The following TJP3 variants were observed in gnomAD, a reference collection of about 807,000 sequenced individuals.
TJP3 encodes the protein tight junction protein ZO-3.
In TJP3, 85 loss-of-function variants were observed where a neutral mutation model predicts 104.2. The ratio of observed to expected loss-of-function variants is 0.82; its 90% CI spans 0.68 to 0.98. TJP3 has a LOEUF of 0.98. Ranked by LOEUF, TJP3 falls within the 50% of genes least tolerant of loss-of-function variation. The pLI, the probability that TJP3 is intolerant of heterozygous loss-of-function variation, is 0.00. For missense variants in TJP3, 1,367 were observed against 1,322.8 expected (o/e 1.03, Z -0.52); for synonymous variants, 550 against 550.6 (o/e 1.00, Z 0.02).
chr19:3,720,557 G>GTGTA (rs1378055882), intron 1 of TJP3, among the ~76,000 whole-genome samples: 2 of 152,090 alleles, frequency 1.3e-5, no homozygotes, highest in Admixed American at 1.3e-4. Flanking sequence ...GGGTGTTTAT[G>GTGTA]TGTAGCTTTG....
chr19:3,728,614 G>T lies in TJP3; in HGVS notation c.59G>T (p.Arg20Leu), dbSNP rs367879011. ...HTATLSKDPR[R>L]GFGIAISGGR... ...CTCATCCTCTCTCAGGACCCCCGCC[G>T]GGGCTTTGGCATTGCGATCTCTGGA... The change falls in exon 3 of 21, where the codon CGG (arginine) becomes CTG (leucine). Residue 20 changes from arginine (R) to leucine (L), a missense_variant. Transcript: ENST00000541714. 1 of 1,612,792 alleles carries T rather than the reference G, an allele frequency of 6.2e-7. No homozygotes were observed. The highest frequency in any genetic ancestry group is 8.5e-7 in the Non-Finnish European group (1 of 1,179,762).
chr19:3,746,554 A>G lies in TJP3; in HGVS notation c.2080A>G (p.Ile694Val), dbSNP rs2036892486. The change falls in exon 17 of 21, where the codon ATT (isoleucine) becomes GTT (valine). Residue 694 changes from isoleucine (I) to valine (V), a missense_variant. By Grantham distance (29) the Ile-to-Val change is conservative. Transcript: ENST00000541714. The surrounding 1 kb of genome is among the most constrained non-coding windows in gnomAD (Gnocchi z 4.1). The stretch of plus-strand genomic sequence containing the variant: ...CCTCAACTATGTGCAGTACTACCCC[A>G]TTGTGGTCTTCTTCATCCCCGAGAG... ...ERLNYVQYYP[I>V]VVFFIPESRP... The G allele has an allele frequency of 6.2e-7, 1 of 1,613,762 alleles. No individual in the cohort carries two copies. Among genetic ancestry groups the G allele is most frequent in the Non-Finnish European group, 8.5e-7 (1 of 1,179,968 alleles).
chr19:3,716,082 T>C (rs1399819468), intron 1 of TJP3, among the ~76,000 whole-genome samples: 1 of 120,984 alleles, frequency 8.3e-6, no homozygotes, highest in Non-Finnish European at 2.0e-5. Context: ...CCCGACTTGT[T>C]TTATTTTTGA....
intron 1 of TJP3, among the ~76,000 whole-genome samples, chr19:3,714,695 C>T (rs2036461471): frequency 6.6e-6 from 1 of 152,042 alleles, no homozygotes; most frequent in African/African-American, 2.4e-5. Flanking sequence ...ATCACGAGGT[C>T]AGAGTTCGAG....
chr19:3,731,606 C>T (rs2036672088), intron 5 of TJP3, among the ~76,000 whole-genome samples: 1 of 151,906 alleles, frequency 6.6e-6, no homozygotes, highest in African/African-American at 2.4e-5. Context: ...GCACTCCAGC[C>T]CCGGCGATAG....
Position 3,746,352 on chromosome 19 carries a change from C to A in TJP3, c.2011-133C>A. Reference sequence around the variant, plus strand: ...CGACCTGGGCTGTTACCACCCCCATCCCCAACTTGCTAGCCTGTGGATGTG... The same window carrying A: ...CGACCTGGGCTGTTACCACCCCCATACCCAACTTGCTAGCCTGTGGATGTG... On this transcript the variant is annotated intron_variant, in intron 16 of 20. Transcript: ENST00000541714. The surrounding 1 kb of genome is among the most constrained non-coding windows in gnomAD (Gnocchi z 4.1). 1 of 1,013,098 alleles carries A rather than the reference C, an allele frequency of 9.9e-7. No individual in the cohort carries two copies. Among genetic ancestry groups the A allele is most frequent in the Non-Finnish European group, 1.4e-6 (1 of 694,592 alleles). The allele number at this position is 1,013,098 out of a possible 1,614,324, so 62.8% of individuals were successfully genotyped here. A position where few individuals can be genotyped will look rare whatever the true frequency, so the allele number is the denominator to read the frequency against.
chr19:3,720,631 A>G lies in TJP3; in HGVS notation c.-9-7793A>G, dbSNP rs193244717. Reference sequence around the variant, plus strand: ...CAGCTGGGCGCAGGTTTTTTTTTTTATAGTAAGGAATGTGGGGGTGCAGCC... The same window carrying G: ...CAGCTGGGCGCAGGTTTTTTTTTTTGTAGTAAGGAATGTGGGGGTGCAGCC... On this transcript the variant is annotated intron_variant, in intron 1 of 20. Transcript: ENST00000541714. Among the ~76,000 whole-genome samples, 1,061 of 149,572 alleles carry G rather than the reference A, an allele frequency of 7.1e-3. 13 individuals are homozygous for G. Among genetic ancestry groups the G allele is most frequent in the African/African-American group, 0.025 (1,020 of 40,696 alleles).
In TJP3 at chr19:3,746,944, T is replaced by C. The variant is rs2036904737; in HGVS notation, c.2322+68T>C. The C allele has an allele frequency of 1.4e-6, 2 of 1,465,472 alleles. No homozygotes were observed. Among genetic ancestry groups the C allele is most frequent in the Non-Finnish European group, 1.9e-6 (2 of 1,072,758 alleles). 90.8% of individuals were successfully genotyped at this position (1,465,472 alleles called of 1,614,324 possible). Reference sequence around the variant, plus strand: ...GACGCTGTGCAGGCCCAGCTGGGGTTTGGGGCCTCTGTCGGGAGTTAGGGC... The same window carrying C: ...GACGCTGTGCAGGCCCAGCTGGGGTCTGGGGCCTCTGTCGGGAGTTAGGGC... On this transcript the variant is annotated intron_variant, in intron 18 of 20. Coordinates refer to ENST00000541714, the MANE Select transcript of TJP3 (RefSeq NM_001267560.2). The surrounding 1 kb of genome is among the most constrained non-coding windows in gnomAD (Gnocchi z 4.1).
Position 3,730,622 on chromosome 19 carries a change from G to T in TJP3, c.529G>T (p.Val177Leu), listed in dbSNP as rs201749288. 8 of 1,612,040 alleles carry T rather than the reference G, an allele frequency of 5.0e-6. No homozygotes were observed. In the Admixed American group the frequency reaches 8.3e-5, roughly 17 times the overall value. Residue 177 changes from valine (V) to leucine (L), a missense_variant, in exon 5 of 21, where the codon GTG (valine) becomes TTG (leucine). Transcript: ENST00000541714. This position sits in a 1 kb window ranked among gnomAD's most constrained non-coding sequence, Gnocchi z 7.3. Reference protein sequence around the residue: ...GGSEANGLALVSGFKRLPRQD... With the variant: ...GGSEANGLALLSGFKRLPRQD... ...CTCTGAGGCCAACGGGCTGGCCCTG[G>T]TGTCCGGCTTTAAGCGGCTGCCACG...
At chr19:3,728,276 C>A in intron 1 of TJP3, 148 bp from the exon 2 acceptor site, 3 of 1,253,472 alleles carry the variant, frequency 2.4e-6, no homozygotes, top group Non-Finnish European at 2.2e-6. Flanking sequence ...AACAAAAAAA[C>A]CTGAGGCCCT....
Position 3,730,475 on chromosome 19 carries a change from C to A in TJP3, c.382C>A (p.Arg128=). 2 of 1,584,120 alleles carry A rather than the reference C, an allele frequency of 1.3e-6. No individual in the cohort carries two copies. The highest frequency in any genetic ancestry group is 1.1e-5 in the South Asian group (1 of 88,376). The change falls in exon 5 of 21, where the codon CGG becomes AGG. Residue 128 remains arginine, a synonymous_variant. Coordinates refer to ENST00000541714, the MANE Select transcript of TJP3 (RefSeq NM_001267560.2). The surrounding 1 kb of genome is among the most constrained non-coding windows in gnomAD (Gnocchi z 7.3). ...GCGGGTGGAGGAGGTGGACCAGGGC[C>A]GGGGCTATGACGGCGACTCATCCAG... ...PQRVEEVDQG[R]GYDGDSSSGS... is the part of the protein sequence containing the mutation.
intron 11 of TJP3, 151 bp from the exon 12 acceptor site, chr19:3,738,404 C>A (rs62130650): frequency 0.19 from 118,790 of 620,944 alleles, 11,916 homozygotes; most frequent in Admixed American, 0.28. Context: ...GGTGATACCC[C>A]AGTCGGAAAG....
chr19:3,716,104 G>C (rs1390643490), intron 1 of TJP3, among the ~76,000 whole-genome samples: 1 of 123,134 alleles, frequency 8.1e-6, no homozygotes, highest in East Asian at 2.3e-4. Context: ...ATGGAGTCTT[G>C]CTCCATTGCC....
chr19:3,733,552 G>A (rs2036699009), intron 6 of TJP3, among the ~76,000 whole-genome samples: 1 of 151,974 alleles, frequency 6.6e-6, no homozygotes, highest in Non-Finnish European at 1.5e-5. Context: ...AACATTTTCT[G>A]TTTCTAGAAT....
chr19:3,737,097 CTT>C (rs1402106585), intron 11 of TJP3, among the ~76,000 whole-genome samples: 1 of 152,038 alleles, frequency 6.6e-6, no homozygotes. Context: ...CCAGGCTGGT[CTT>C]GAACTCCTGG....
intron 1 of TJP3, among the ~76,000 whole-genome samples, chr19:3,726,119 C>G (rs1451551059): frequency 1.3e-5 from 2 of 152,246 alleles, no homozygotes; most frequent in Non-Finnish European, 2.9e-5. Flanking sequence ...TGTGCCAAGC[C>G]TAGAAAACCC....
intron 1 of TJP3, among the ~76,000 whole-genome samples, chr19:3,710,967 G>C (rs192755936): frequency 6.6e-6 from 1 of 151,848 alleles, no homozygotes; most frequent in Non-Finnish European, 1.5e-5. Flanking sequence ...GCGGTGGCGC[G>C]ATCTCGGCTC....
At chr19:3,721,208 C>T (rs941717174) in intron 1 of TJP3, among the ~76,000 whole-genome samples, 12 of 152,064 alleles carry the variant, frequency 7.9e-5, no homozygotes, top group Admixed American at 3.3e-4. Flanking sequence ...CCCTGCCCTG[C>T]CCCCTTTCTT....
At chr19:3,717,609 G>C (rs909434536) in intron 1 of TJP3, among the ~76,000 whole-genome samples, 2 of 150,672 alleles carry the variant, frequency 1.3e-5, no homozygotes, top group Non-Finnish European at 3.0e-5. Context: ...CTAATTTTTC[G>C]TATTTTTGTA....
Sources: gnomAD v4.1 joint callset for allele counts (sites outside exome capture counted in the v4.1 genomes callset) on GRCh38, gnomAD v4.1.1 for gene constraint, Gnocchi (gnomAD v3.1) non-coding constraint, MANE v1.5 for transcripts, NCBI Gene and HGNC (gene_info 2026-07-23, HGNC 2026-07-21) for gene names.